SETD5: variants seen among roughly 807,000 people sequenced by gnomAD.
The protein encoded by SETD5 is SET domain containing 5, also known as histone-lysine N-methyltransferase SETD5.
SETD5 carries 44 observed loss-of-function variants against 153.3 expected under a neutral mutation model. That is an observed-to-expected ratio of 0.29 (90% CI 0.23 to 0.37). The LOEUF (loss-of-function observed/expected upper bound fraction) is 0.37. Among genes scored for constraint, SETD5 ranks in the 10% least tolerant of loss-of-function variants. The probability of loss-of-function intolerance (pLI) is 1.00; values close to 1 mark genes in which losing one functional copy is unlikely to be tolerated. For missense variants in SETD5, 1,544 were observed against 1,768.0 expected (o/e 0.87, Z 2.27); for synonymous variants, 716 against 645.2 (o/e 1.11, Z -1.66).
intron 1 of SETD5, among the ~76,000 whole-genome samples, chr3:9,421,794 A>C (rs1374275372): frequency 6.6e-6 from 1 of 152,138 alleles, no homozygotes; most frequent in African/African-American, 2.4e-5. Context: ...TGACCTATTA[A>C]AGATTTTTTT....
At chr3:9,400,007 TGCA>T (rs977935067) in intron 1 of SETD5, among the ~76,000 whole-genome samples, 3 of 152,212 alleles carry the variant, frequency 2.0e-5, no homozygotes, top group African/African-American at 7.2e-5. Flanking sequence ...AGGACAGCAG[TGCA>T]GCGTCCATTA....
At chr3:9,436,346 G>C (rs1347066696) in intron 7 of SETD5, among the ~76,000 whole-genome samples, 1 of 152,162 alleles carries the variant, frequency 6.6e-6, no homozygotes, top group Non-Finnish European at 1.5e-5. Context: ...CTCTTGTATG[G>C]TCTAGGTTTC....
chr3:9,433,344 A>T, intron 3 of SETD5: 1 of 1,284,696 alleles, frequency 7.8e-7, no homozygotes, highest in Non-Finnish European at 1.0e-6. Context: ...ATAAGATGCC[A>T]TTGTTTTTAC....
chr3:9,474,854 G>A (rs1198504086), intron 21 of SETD5: 2 of 616,552 alleles, frequency 3.2e-6, no homozygotes, highest in Non-Finnish European at 5.6e-6. Context: ...GATGAAGGAT[G>A]AAGAGAAAGA....
chr3:9,428,594 A>G (rs2039592990), intron 2 of SETD5, among the ~76,000 whole-genome samples: 2 of 152,210 alleles, frequency 1.3e-5, no homozygotes, highest in Non-Finnish European at 2.9e-5. Flanking sequence ...TTTCCCTTCA[A>G]CTGAAAAGAA....
chr3:9,437,554 AATATAT>A (rs909005415), intron 7 of SETD5, among the ~76,000 whole-genome samples: 1 of 122,492 alleles, frequency 8.2e-6, no homozygotes, highest in Non-Finnish European at 1.6e-5. Context: ...TGTGTGTATA[AATATAT>A]ATATATGAGG....
intron 12 of SETD5, 176 bp downstream of exon 12, chr3:9,445,476 T>C: frequency 1.1e-6 from 1 of 905,716 alleles, no homozygotes; most frequent in Non-Finnish European, 1.7e-6. Flanking sequence ...AAAAACATCC[T>C]TTGCTGGTTT....
intron 19 of SETD5, among the ~76,000 whole-genome samples, chr3:9,472,008 G>A (rs994077176): frequency 2.4e-4 from 37 of 152,234 alleles, no homozygotes; most frequent in Admixed American, 6.5e-4. Context: ...AGAACCCTAA[G>A]GGGATAGAAG....
chr3:9,465,420 A>G (rs929800817), intron 18 of SETD5, among the ~76,000 whole-genome samples: 2 of 152,190 alleles, frequency 1.3e-5, no homozygotes, highest in African/African-American at 2.4e-5. Context: ...CACTTCATCT[A>G]TTGCATGTTA....
chr3:9,445,447 C>CT, intron 12 of SETD5, 147 bp downstream of exon 12: 1 of 1,013,012 alleles, frequency 9.9e-7, no homozygotes, highest in African/African-American at 1.6e-5. Flanking sequence ...TCATACATTT[C>CT]TTTCTGTTTT....
chr3:9,427,476 G>C (rs967765429), intron 2 of SETD5, among the ~76,000 whole-genome samples: 1 of 152,230 alleles, frequency 6.6e-6, no homozygotes, highest in African/African-American at 2.4e-5. Context: ...CTTGAAGCCA[G>C]GAGGCGGAGG....
chr3:9,398,387 C>G (rs1412127722), intron 1 of SETD5: 1 of 152,182 alleles, frequency 6.6e-6, no homozygotes, highest in Non-Finnish European at 1.5e-5. Context: ...ACTCCCTACC[C>G]CCGTTCTCGC....
rs2045678637 is a variant in SETD5, at chr3:9,474,759, A to G, written c.3631+177A>G. 8.4e-6 allele frequency: 7 copies of G among 836,046 alleles called. No homozygotes were observed. In the South Asian group the frequency reaches 1.1e-4, roughly 13 times the overall value. 51.8% of individuals were successfully genotyped at this position (836,046 alleles called of 1,614,324 possible). ...GGCTACCACATTTGTAAGATCTAGC[A>G]TTGCTTGCTCTCTGTCTGCTCTTTT... On this transcript the variant is annotated intron_variant, in intron 21 of 22. Transcript: ENST00000402198.
At position 9,431,689 on chromosome 3, in the gene SETD5, T is replaced by C. The variant is rs937073592; in HGVS notation, c.72-2156T>C. On this transcript the variant is annotated intron_variant, in intron 3 of 22. Coordinates refer to ENST00000402198, the MANE Select transcript of SETD5 (RefSeq NM_001080517.3). ...GGCCTTTTAACCTCCACAATATACA[T>C]TTTATTTTTATTCCCTAGACTTGCA... 5.1e-6 allele frequency: 5 copies of C among 985,660 alleles called. No homozygotes were observed. The African/African-American group carries it at 8.7e-5, about 17-fold the overall frequency. The allele number at this position is 985,660 out of a possible 1,614,324, so 61.1% of individuals were successfully genotyped here.
At chr3:9,473,192 C>T in intron 19 of SETD5, 44 bp from the exon 20 acceptor site, 2 of 1,580,068 alleles carry the variant, frequency 1.3e-6, no homozygotes, top group Non-Finnish European at 1.7e-6. Context: ...TAATGATATC[C>T]AGATAGAGTA....
intron 16 of SETD5, among the ~76,000 whole-genome samples, chr3:9,453,030 T>C (rs2042811278): frequency 6.6e-6 from 1 of 152,198 alleles, no homozygotes; most frequent in African/African-American, 2.4e-5. Flanking sequence ...GGCCTAAATT[T>C]ATTTCTTGTC....
intron 7 of SETD5, among the ~76,000 whole-genome samples, chr3:9,437,527 G>GTC (rs1229630314): frequency 3.3e-5 from 5 of 151,326 alleles, no homozygotes; most frequent in African/African-American, 4.9e-5. Context: ...CTTTACGTGT[G>GTC]TGTGTGTGTG....
rs1303548394 is a variant in SETD5 at position 9,443,406 on chromosome 3, G to A, written c.1176G>A (p.Glu392=). ...AGGTCACCATAGCATTTGATTATGA[G>A]TATAGTAACTGGTAAGACCTCAGAA... The part of the protein sequence containing the change: ...DAEVTIAFDY[E]YSNCNYKVDC... Residue 392 remains glutamate, a synonymous_variant, in exon 11 of 23, where the codon GAG becomes GAA. Transcript: ENST00000402198. 3.5e-6 allele frequency: 5 copies of A among 1,412,002 alleles called. No homozygotes were observed. The highest frequency in any genetic ancestry group is 3.7e-6 in the Non-Finnish European group (4 of 1,075,802). The allele number at this position is 1,412,002 out of a possible 1,614,324, so 87.5% of individuals were successfully genotyped here.
intron 18 of SETD5, among the ~76,000 whole-genome samples, chr3:9,467,199 C>CAAAAAAAA (rs35894304): frequency 8.8e-4 from 36 of 40,866 alleles, no homozygotes; most frequent in African/African-American, 2.1e-3. Context: ...GACTCTCTCT[C>CAAAAAAAA]AAAAAAAAAA....
Sources: allele counts gnomAD v4.1 joint callset (sites outside exome capture counted in the v4.1 genomes callset), GRCh38; gene constraint gnomAD v4.1.1; transcripts MANE v1.5; gene names NCBI Gene and HGNC (gene_info 2026-07-23, HGNC 2026-07-21).